Variants in GPSM2 observed in about 807,000 individuals in gnomAD.
GPSM2 encodes G protein-signaling modulator 2.
GPSM2 carries 58 observed loss-of-function variants against 78.4 expected under a neutral mutation model. That is an observed-to-expected ratio of 0.74 (90% CI 0.60 to 0.92). GPSM2 has a LOEUF of 0.92. GPSM2 is among the 40% of genes least tolerant of loss of function. The probability of loss-of-function intolerance (pLI) is 0.00; values close to 1 mark genes in which losing one functional copy is unlikely to be tolerated. For synonymous variants in GPSM2, 224 were observed against 280.2 expected (o/e 0.80, Z 2.00); for missense variants, 700 against 815.5 (o/e 0.86, Z 1.73).
intron 14 of GPSM2, chr1:108,924,434 CGT>C (rs146170134): frequency 2.5e-3 from 1,462 of 585,578 alleles, no homozygotes; most frequent in Middle Eastern, 4.8e-3. Context: ...TTAGGAGAGA[CGT>C]GTGTGTGTGT....
intron 2 of GPSM2, among the ~76,000 whole-genome samples, chr1:108,886,944 TG>T (rs1290705775): frequency 6.6e-6 from 1 of 151,898 alleles, no homozygotes; most frequent in Non-Finnish European, 1.5e-5. Flanking sequence ...TGGAGTGCAG[TG>T]GCACGAGTTT....
chr1:108,907,697 C>T (rs1440325170), intron 10 of GPSM2, among the ~76,000 whole-genome samples: 4 of 152,044 alleles, frequency 2.6e-5, no homozygotes, highest in Non-Finnish European at 5.9e-5. Context: ...GATTTAAGTG[C>T]TTTACATGTT....
intron 10 of GPSM2, among the ~76,000 whole-genome samples, chr1:108,904,526 CTT>C (rs1460281047): frequency 1.3e-5 from 2 of 150,438 alleles, no homozygotes; most frequent in Admixed American, 1.3e-4. Context: ...TGGTATTGTT[CTT>C]TTCTTTTGTA....
At chr1:108,921,416 CAAAAA>C (rs11312751) in intron 12 of GPSM2, among the ~76,000 whole-genome samples, 105 of 147,324 alleles carry the variant, frequency 7.1e-4, no homozygotes, top group Admixed American at 5.5e-3. Context: ...CGAGACTCCT[CAAAAA>C]AAAAAAAAAA....
At position 108,918,341 on chromosome 1, in the gene GPSM2, C is replaced by T. The variant is rs338470; in HGVS notation, c.1264-272C>T. Among the ~76,000 whole-genome samples, 54,405 of 151,956 alleles carry T rather than the reference C, an allele frequency of 0.36. 11,347 individuals are homozygous for T. Among genetic ancestry groups the T allele is most frequent in the African/African-American group, 0.57 (23,702 of 41,418 alleles). ...TCTGACCATTCATATTTTATTTTTACAGAGTTTTGGTAAACCTTGCTTTCT... is the reference window on the plus strand; with the variant it reads ...TCTGACCATTCATATTTTATTTTTATAGAGTTTTGGTAAACCTTGCTTTCT... On this transcript the variant is annotated intron_variant, in intron 11 of 14. Transcript: ENST00000264126.
chr1:108,886,080 G>A (rs1299220469), intron 2 of GPSM2, among the ~76,000 whole-genome samples: 1 of 151,608 alleles, frequency 6.6e-6, no homozygotes, highest in East Asian at 1.9e-4. Context: ...TATTATCAGA[G>A]ATGGGAGTCT....
At position 108,885,519 on chromosome 1, in the gene GPSM2, C is replaced by T; in HGVS notation, c.-4C>T. 1 of 1,513,756 alleles carries T rather than the reference C, an allele frequency of 6.6e-7. No individual in the cohort carries two copies. 93.8% of individuals were successfully genotyped at this position (1,513,756 alleles called of 1,614,324 possible). The stretch of plus-strand genomic sequence containing the variant: ...TTATTTTATTCAGCTTATAATATGA[C>T]TCGATGGAGGAAAATTTGATAAGCA... On this transcript the variant is annotated 5_prime_UTR_variant, in exon 2 of 15. Transcript: ENST00000264126.
At chr1:108,916,805 G>T (rs1454956760) in intron 11 of GPSM2, among the ~76,000 whole-genome samples, 1 of 152,160 alleles carries the variant, frequency 6.6e-6, no homozygotes, top group Non-Finnish European at 1.5e-5. Context: ...AGCTGTCAAA[G>T]AATTCATTAT....
Position 108,932,564 on chromosome 1 carries a change from G to C in GPSM2, c.*2624G>C, listed in dbSNP as rs2101595867. The C allele has an allele frequency of 6.6e-6, 1 of 152,272 alleles. No homozygotes were observed. Among genetic ancestry groups the C allele is most frequent in the Non-Finnish European group, 1.5e-5 (1 of 68,028 alleles). 9.4% of individuals were successfully genotyped at this position (152,272 alleles called of 1,614,324 possible). ...AAATTTTTTAAAAGAATTTGGTTTT[G>C]GATTAAAAGGCATGCAAGCAGCATT... On this transcript the variant is annotated 3_prime_UTR_variant, in exon 15 of 15. Transcript: ENST00000264126.
Position 108,929,948 on chromosome 1 carries a change from G to A in GPSM2, c.*8G>A. On this transcript the variant is annotated 3_prime_UTR_variant, in exon 15 of 15. Coordinates refer to ENST00000264126, the MANE Select transcript of GPSM2 (RefSeq NM_013296.5). ...AAATCGGCAGACCATTAGTTACTAT[G>A]GATTTATTTTTTTTCCTTTCAAACA... is the stretch of plus-strand genomic sequence containing the variant. 6.2e-7 allele frequency: 1 copy of A among 1,610,828 alleles called. No individual in the cohort carries two copies. The highest frequency in any genetic ancestry group is 1.1e-5 in the South Asian group (1 of 90,804).
At chr1:108,914,288 T>C in intron 10 of GPSM2, 50 bp from the exon 11 acceptor site, 1 of 1,206,474 alleles carries the variant, frequency 8.3e-7, no homozygotes, top group Non-Finnish European at 1.2e-6. Context: ...GCTGAACTTG[T>C]ACTCTTAAGG....
intron 12 of GPSM2, among the ~76,000 whole-genome samples, chr1:108,921,147 T>C (rs1420559576): frequency 6.6e-6 from 1 of 152,064 alleles, no homozygotes; most frequent in Non-Finnish European, 1.5e-5. Flanking sequence ...CCCTCACCCC[T>C]TTCCAAAAAT....
Position 108,918,661 on chromosome 1 carries a change from G to A in GPSM2, c.1312G>A (p.Ala438Thr), listed in dbSNP as rs751160918. 7 of 1,613,360 alleles carry A rather than the reference G, an allele frequency of 4.3e-6. No individual in the cohort carries two copies. Among genetic ancestry groups the A allele is most frequent in the Non-Finnish European group, 8.5e-7 (1 of 1,179,544 alleles). ...EILAKQKPLIAKPSAKLLFVN... is the reference protein window; with the variant it reads ...EILAKQKPLITKPSAKLLFVN... ...TCTTGCTAAGCAAAAACCTCTTATT[G>A]CCAAACCTTCTGCAAAGCTACTCTT... Residue 438 changes from alanine to threonine, a missense_variant, in exon 12 of 15, where the codon GCC becomes ACC. Transcript: ENST00000264126.
At chr1:108,898,211 A>G in intron 5 of GPSM2, 110 bp downstream of exon 5, 1 of 1,009,058 alleles carries the variant, frequency 9.9e-7, no homozygotes, top group Non-Finnish European at 1.6e-6. Flanking sequence ...TTTTAAAGTT[A>G]TGAACTAGCA....
rs975569862 is a variant in GPSM2 at position 108,931,726 on chromosome 1, G to GTAAGT, written c.*1788_*1792dup. ...CCTGGATAGCATTTTAAAAACTCAG[G>GTAAGT]TAAGTTTCATGGGGTTCTTATAAGA... On this transcript the variant is annotated 3_prime_UTR_variant, in exon 15 of 15. Coordinates refer to ENST00000264126, the MANE Select transcript of GPSM2 (RefSeq NM_013296.5). The GTAAGT allele has an allele frequency of 5.5e-5, 21 of 384,582 alleles. No homozygotes were observed. Among genetic ancestry groups the GTAAGT allele is most frequent in the African/African-American group, 4.2e-4 (20 of 47,320 alleles). The allele number at this position is 384,582 out of a possible 1,614,324, so 23.8% of individuals were successfully genotyped here.
intron 10 of GPSM2, among the ~76,000 whole-genome samples, chr1:108,906,279 T>A (rs1420017287): frequency 6.6e-6 from 1 of 152,292 alleles, no homozygotes; most frequent in East Asian, 1.9e-4. Flanking sequence ...AATCTCACTC[T>A]GTTGCCCGAG....
chr1:108,891,511 T>G (rs957520510), intron 2 of GPSM2, among the ~76,000 whole-genome samples: 2 of 152,050 alleles, frequency 1.3e-5, no homozygotes, highest in Non-Finnish European at 2.9e-5. Flanking sequence ...TTTATTTTAT[T>G]TGAGATAGGG....
chr1:108,896,472 A>T (rs1390015562), intron 2 of GPSM2, among the ~76,000 whole-genome samples: 1 of 152,108 alleles, frequency 6.6e-6, no homozygotes, highest in Non-Finnish European at 1.5e-5. Flanking sequence ...GAACAATATT[A>T]ATAATTGTAG....
intron 1 of GPSM2, among the ~76,000 whole-genome samples, chr1:108,884,976 C>G (rs1008189846): frequency 1.3e-5 from 2 of 152,090 alleles, no homozygotes; most frequent in African/African-American, 4.8e-5. Flanking sequence ...TTTGAAGCAG[C>G]AATTTTGTTT....
Sources: allele counts gnomAD v4.1 joint callset (sites outside exome capture counted in the v4.1 genomes callset), GRCh38; gene constraint gnomAD v4.1.1; transcripts MANE v1.5; gene names NCBI Gene and HGNC (gene_info 2026-07-23, HGNC 2026-07-21).